The following PARD3B variants were observed in gnomAD, a reference collection of about 807,000 sequenced individuals.
PARD3B encodes partitioning defective 3 homolog B.
In PARD3B, 103 loss-of-function variants were observed where a neutral mutation model predicts 130.2. The observed-to-expected ratio is 0.79, with a 90% CI of 0.67 to 0.93. The LOEUF is 0.93. PARD3B is among the 40% of genes least tolerant of loss of function. The pLI is 0.00. For missense variants in PARD3B, 1,609 were observed against 1,499.2 expected, an observed-to-expected ratio of 1.07 and a Z score of -1.21; for synonymous variants, 583 against 553.2, an observed-to-expected ratio of 1.05 and a Z score of -0.76.
chr2:205,290,253 A>G (rs968159763), intron 16 of PARD3B, among the ~76,000 whole-genome samples: 2 of 152,200 alleles, frequency 1.3e-5, no homozygotes, highest in African/African-American at 4.8e-5. Context: ...TCTCCTATAC[A>G]TTCTCTGGTG....
At chr2:204,875,266 T>C (rs1328683722) in intron 2 of PARD3B, among the ~76,000 whole-genome samples, 1 of 152,200 alleles carries the variant, frequency 6.6e-6, no homozygotes, top group Admixed American at 6.5e-5. Context: ...TCCCAATCTA[T>C]ATAATTTTAA....
intron 22 of PARD3B, among the ~76,000 whole-genome samples, chr2:205,596,353 T>C (rs148252739): frequency 1.1e-4 from 17 of 152,314 alleles, no homozygotes; most frequent in South Asian, 6.2e-4. Context: ...AAATGAAAGC[T>C]GAATAGAATG....
chr2:205,234,820 T>C (rs2038992418), intron 15 of PARD3B, among the ~76,000 whole-genome samples: 2 of 152,130 alleles, frequency 1.3e-5, no homozygotes, highest in African/African-American at 4.8e-5. Context: ...TTGAAAGAAT[T>C]CAAGTCATAC....
At position 205,210,628 on chromosome 2, in the gene PARD3B, G is replaced by T. The variant is rs1172646164; in HGVS notation, c.2140+17308G>T. Among the ~76,000 whole-genome samples the T allele has an allele frequency of 3.9e-5, 6 of 152,190 alleles. 1 individual carries two copies. Among genetic ancestry groups the T allele is most frequent in the Admixed American group, 1.3e-4 (2 of 15,260 alleles). On this transcript the variant is annotated intron_variant, in intron 15 of 22. Coordinates refer to ENST00000406610, the MANE Select transcript of PARD3B (RefSeq NM_001302769.2). ...CTCCCCAGCCAGATGATGTATTAAA[G>T]ATATGAGGCTTTTGATTCATATGAC...
At chr2:205,053,991 T>C (rs886164747) in intron 4 of PARD3B, among the ~76,000 whole-genome samples, 1 of 152,162 alleles carries the variant, frequency 6.6e-6, no homozygotes, top group African/African-American at 2.4e-5. Flanking sequence ...AGACCAGAGC[T>C]TGAAGACACA....
intron 2 of PARD3B, among the ~76,000 whole-genome samples, chr2:204,715,890 C>G (rs1236652454): frequency 6.6e-6 from 1 of 152,116 alleles, no homozygotes; most frequent in African/African-American, 2.4e-5. Flanking sequence ...TTAATTATCT[C>G]TCTGCTCCGT....
At chr2:205,016,120 A>G (rs1696128906) in intron 3 of PARD3B, among the ~76,000 whole-genome samples, 2 of 152,228 alleles carry the variant, frequency 1.3e-5, no homozygotes, top group Admixed American at 1.3e-4. Context: ...TCTCTCTGCA[A>G]TCTGTTTTCC....
At chr2:204,957,313 GTTA>G (rs575502863) in intron 2 of PARD3B, among the ~76,000 whole-genome samples, 31 of 152,242 alleles carry the variant, frequency 2.0e-4, no homozygotes, top group African/African-American at 6.5e-4. Context: ...GCATATTTTT[GTTA>G]TTATGGGATA....
intron 10 of PARD3B, among the ~76,000 whole-genome samples, chr2:205,149,871 G>T (rs545302101): frequency 7.2e-5 from 11 of 152,312 alleles, no homozygotes; most frequent in African/African-American, 2.6e-4. Flanking sequence ...CACAGCTTGG[G>T]GAAGGGGGTA....
At chr2:204,549,210 T>A (rs747663852) in intron 1 of PARD3B, among the ~76,000 whole-genome samples, 12 of 152,112 alleles carry the variant, frequency 7.9e-5, no homozygotes, top group Non-Finnish European at 1.6e-4. Context: ...GCCTTTGAGG[T>A]TCCTGCCACC....
intron 2 of PARD3B, among the ~76,000 whole-genome samples, chr2:204,740,461 C>G (rs1362121669): frequency 6.6e-6 from 1 of 152,170 alleles, no homozygotes; most frequent in Non-Finnish European, 1.5e-5. Flanking sequence ...TAGTATAAAA[C>G]AAAAACTGTT....
intron 2 of PARD3B, among the ~76,000 whole-genome samples, chr2:204,797,977 A>G (rs2042433077): frequency 6.6e-6 from 1 of 152,218 alleles, no homozygotes; most frequent in Non-Finnish European, 1.5e-5. Context: ...GATACTGACT[A>G]TATTGGGAGC....
At chr2:205,262,439 A>G (rs2040351008) in intron 16 of PARD3B, among the ~76,000 whole-genome samples, 1 of 152,076 alleles carries the variant, frequency 6.6e-6, no homozygotes, top group Non-Finnish European at 1.5e-5. Context: ...CTTTGCACAC[A>G]CAATACCCTT....
intron 20 of PARD3B, among the ~76,000 whole-genome samples, chr2:205,487,375 A>G (rs2049484654): frequency 6.6e-6 from 1 of 152,178 alleles, no homozygotes; most frequent in Non-Finnish European, 1.5e-5. Flanking sequence ...AAACTGCTGT[A>G]TTAATCTACT....
At position 205,288,270 on chromosome 2, in the gene PARD3B, A is replaced by T. The variant is rs1362787886; in HGVS notation, c.2186-12260A>T. Among the ~76,000 whole-genome samples the T allele has an allele frequency of 6.6e-6, 1 of 152,094 alleles. No homozygotes were observed. The highest frequency in any genetic ancestry group is 1.9e-4 in the East Asian group (1 of 5,162). ...GCATTAAGATATGTTCCTGCACCCT[A>T]TCCCTCCTCGTCAGAGAAAAACCTG... is the stretch of plus-strand genomic sequence containing the variant. On this transcript the variant is annotated intron_variant, in intron 16 of 22. Transcript: ENST00000406610. The surrounding 1 kb of genome is among the most constrained non-coding windows in gnomAD (Gnocchi z 4.0).
At chr2:205,231,501 ATTT>A (rs1278709655) in intron 15 of PARD3B, among the ~76,000 whole-genome samples, 1 of 130,650 alleles carries the variant, frequency 7.7e-6, no homozygotes, top group African/African-American at 2.8e-5. Context: ...TAATTTTTGT[ATTT>A]TTTTTTTTTT....
Position 205,300,933 on chromosome 2 carries a change from A to G in PARD3B, c.2392+197A>G, listed in dbSNP as rs1362064219. Among the ~76,000 whole-genome samples the G allele has an allele frequency of 2.0e-5, 3 of 152,228 alleles. No homozygotes were observed. The highest frequency in any genetic ancestry group is 4.4e-5 in the Non-Finnish European group (3 of 68,038). ...ATGGAATTGGAGAACACAATATGCA[A>G]TTTATTTTACAGTGCAAGGCTAAAT... On this transcript the variant is annotated intron_variant, in intron 17 of 22. Coordinates refer to ENST00000406610, the MANE Select transcript of PARD3B (RefSeq NM_001302769.2). The surrounding 1 kb of genome is among the most constrained non-coding windows in gnomAD (Gnocchi z 4.1).
chr2:205,615,393 A>G, intron 22 of PARD3B, 63 bp from the exon 23 acceptor site: 2 of 1,407,738 alleles, frequency 1.4e-6, no homozygotes, highest in Non-Finnish European at 1.9e-6. Context: ...GCTGAGGAAC[A>G]TGTTCTCCAG....
intron 3 of PARD3B, among the ~76,000 whole-genome samples, chr2:204,998,492 G>A (rs13403277): frequency 0.013 from 857 of 63,566 alleles, 172 homozygotes; most frequent in African/African-American, 0.056. Context: ...TATAATATAT[G>A]TATATATATG....
Sources: allele counts gnomAD v4.1 joint callset (sites outside exome capture counted in the v4.1 genomes callset), GRCh38; gene constraint gnomAD v4.1.1; non-coding constraint Gnocchi (gnomAD v3.1); transcripts MANE v1.5; gene names NCBI Gene and HGNC (gene_info 2026-07-23, HGNC 2026-07-21).